Variants in SHISA9 observed in about 807,000 individuals in gnomAD.
SHISA9 encodes the protein shisa family member 9, also known as protein shisa-9.
In SHISA9, 13 loss-of-function variants were observed where a neutral mutation model predicts 38.0. That is an observed-to-expected ratio of 0.34 (90% CI 0.22 to 0.54). The LOEUF is 0.54. Among genes scored for constraint, SHISA9 ranks in the 20% least tolerant of loss-of-function variants. The pLI is 0.91. For missense variants in SHISA9, 538 were observed against 575.8 expected, an observed-to-expected ratio of 0.93 and a Z score of 0.67; for synonymous variants, 275 against 242.0, an observed-to-expected ratio of 1.14 and a Z score of -1.27.
chr16:12,929,169 G>A (rs1285956250), intron 2 of SHISA9, among the ~76,000 whole-genome samples: 1 of 152,190 alleles, frequency 6.6e-6, no homozygotes, highest in Non-Finnish European at 1.5e-5. Context: ...GGAGAAAAAG[G>A]AATGATTTTA....
chr16:12,908,800 A>C (rs974358637), intron 1 of SHISA9: 5 of 1,359,262 alleles, frequency 3.7e-6, no homozygotes, highest in African/African-American at 1.5e-5. Context: ...GTGAGAAATG[A>C]CCTTGGGGAC....
rs577976389 is a variant in SHISA9 at position 13,193,969 on chromosome 16, C to T, written c.692-9425C>T. On this transcript the variant is annotated intron_variant, in intron 2 of 4. Transcript: ENST00000558583. ...GTCTCAGAGGAAGCAGGACAAGAGACTCCTGCCTCAAGCATTTCCCACAAC... is the reference window on the plus strand; with the variant it reads ...GTCTCAGAGGAAGCAGGACAAGAGATTCCTGCCTCAAGCATTTCCCACAAC... Among the ~76,000 whole-genome samples the T allele has an allele frequency of 3.3e-5, 5 of 152,300 alleles. No individual in the cohort carries two copies. In the South Asian group the frequency reaches 1.0e-3, roughly 32 times the overall value.
At chr16:12,974,422 A>G (rs1186728665) in intron 2 of SHISA9, among the ~76,000 whole-genome samples, 4 of 151,846 alleles carry the variant, frequency 2.6e-5, no homozygotes, top group African/African-American at 9.7e-5. Context: ...GTTTCTAAAA[A>G]TTAAGAATAT....
the SHISA9 span, among the ~76,000 whole-genome samples, chr16:13,550,041 G>GTA: frequency 6.8e-6 from 1 of 147,462 alleles, no homozygotes; most frequent in Non-Finnish European, 1.5e-5. Flanking sequence ...AAAAAATAAA[G>GTA]TATATATATT....
At chr16:13,557,854 C>T in the SHISA9 span, among the ~76,000 whole-genome samples, 1 of 152,114 alleles carries the variant, frequency 6.6e-6, no homozygotes, top group African/African-American at 2.4e-5. Context: ...TCTCCAGCCA[C>T]CGCAGCCTCA....
chr16:13,494,515 C>T, the SHISA9 span, among the ~76,000 whole-genome samples: 1 of 151,874 alleles, frequency 6.6e-6, no homozygotes, highest in East Asian at 1.9e-4. Flanking sequence ...TGAAAAGGAA[C>T]GTTGCACTCA....
At chr16:12,951,811 C>G (rs150131365) in intron 2 of SHISA9, among the ~76,000 whole-genome samples, 1 of 152,148 alleles carries the variant, frequency 6.6e-6, no homozygotes, top group Non-Finnish European at 1.5e-5. Context: ...TTAGGGGTTG[C>G]GGTGGAGCAG....
the SHISA9 span, among the ~76,000 whole-genome samples, chr16:13,287,179 A>G: frequency 2.6e-5 from 4 of 152,194 alleles, no homozygotes; most frequent in East Asian, 7.7e-4. Context: ...GCTATCACAT[A>G]AGAACCCAAT....
chr16:13,286,337 C>A, the SHISA9 span, among the ~76,000 whole-genome samples: 1 of 152,272 alleles, frequency 6.6e-6, no homozygotes, highest in East Asian at 1.9e-4. Flanking sequence ...TTGACTGAGA[C>A]CTGTCTCAGA....
At chr16:13,293,994 C>T in the SHISA9 span, among the ~76,000 whole-genome samples, 2 of 152,188 alleles carry the variant, frequency 1.3e-5, no homozygotes, top group East Asian at 1.9e-4. Context: ...GCTTATCCAA[C>T]ACTCCAACCC....
intron 2 of SHISA9, among the ~76,000 whole-genome samples, chr16:13,165,206 C>T (rs2050625624): frequency 6.6e-6 from 1 of 152,118 alleles, no homozygotes; most frequent in Admixed American, 6.6e-5. Context: ...CCCCTAGGAA[C>T]ACTGATTCTA....
chr16:13,369,499 G>T, the SHISA9 span, among the ~76,000 whole-genome samples: 2 of 152,076 alleles, frequency 1.3e-5, no homozygotes, highest in South Asian at 2.1e-4. Flanking sequence ...GTTTATAAGT[G>T]TGGGAAGGCT....
At chr16:13,351,670 G>A in the SHISA9 span, among the ~76,000 whole-genome samples, 2 of 152,192 alleles carry the variant, frequency 1.3e-5, no homozygotes, top group Non-Finnish European at 1.5e-5. Flanking sequence ...AAAAATCACT[G>A]TGTTAGAATA....
chr16:13,554,139 G>A, the SHISA9 span, among the ~76,000 whole-genome samples: 1 of 152,022 alleles, frequency 6.6e-6, no homozygotes, highest in Non-Finnish European at 1.5e-5. Context: ...GGTTTTGGCT[G>A]GGCATCTTCT....
At chr16:13,299,722 A>C in the SHISA9 span, among the ~76,000 whole-genome samples, 12 of 151,880 alleles carry the variant, frequency 7.9e-5, no homozygotes, top group East Asian at 1.4e-3. Flanking sequence ...AAAAAAAAAA[A>C]AACAAAAAAA....
At chr16:13,030,512 C>T (rs766041675) in intron 2 of SHISA9, among the ~76,000 whole-genome samples, 6 of 152,182 alleles carry the variant, frequency 3.9e-5, no homozygotes, top group East Asian at 1.9e-4. Flanking sequence ...CTTCCCCGTT[C>T]CCCTTTTTGA....
the SHISA9 span, among the ~76,000 whole-genome samples, chr16:13,345,959 G>C: frequency 3.5e-5 from 2 of 56,584 alleles, no homozygotes; most frequent in African/African-American, 9.8e-5. Context: ...TTTTACTCTT[G>C]TAAAAAAATT....
the SHISA9 span, among the ~76,000 whole-genome samples, chr16:13,548,512 AAAGT>A: frequency 8.2e-4 from 125 of 152,332 alleles, no homozygotes; most frequent in African/African-American, 2.6e-3. Context: ...CCTCAATAGC[AAAGT>A]AAGTAAGTAT....
intron 2 of SHISA9, among the ~76,000 whole-genome samples, chr16:13,071,911 G>T (rs904241400): frequency 7.9e-5 from 12 of 152,036 alleles, no homozygotes; most frequent in South Asian, 2.1e-4. Flanking sequence ...CTCCCAAAGT[G>T]CTGGAATTAT....
Sources: gnomAD v4.1 joint callset for allele counts (sites outside exome capture counted in the v4.1 genomes callset) on GRCh38, gnomAD v4.1.1 for gene constraint, MANE v1.5 for transcripts, NCBI Gene and HGNC (gene_info 2026-07-23, HGNC 2026-07-21) for gene names.